Variants in ABLIM3 observed in about 807,000 individuals in gnomAD.
ABLIM3 encodes actin binding LIM protein family member 3.
A neutral mutation model predicts 109.5 loss-of-function variants in ABLIM3; 61 were observed. The ratio of observed to expected loss-of-function variants is 0.56; its 90% CI spans 0.45 to 0.69. ABLIM3 has a LOEUF of 0.69. ABLIM3 is among the 30% of genes least tolerant of loss of function. The probability of loss-of-function intolerance (pLI) is 0.00; values close to 1 mark genes in which losing one functional copy is unlikely to be tolerated. For missense variants in ABLIM3, 796 were observed against 889.5 expected (o/e 0.89, Z 1.34); for synonymous variants, 300 against 324.8 (o/e 0.92, Z 0.82).
intron 2 of ABLIM3, among the ~76,000 whole-genome samples, chr5:149,152,427 A>G (rs1163004286): frequency 6.6e-6 from 1 of 152,218 alleles, no homozygotes. Context: ...TAATGTCCTC[A>G]TGAAGTGAGC....
intron 2 of ABLIM3, among the ~76,000 whole-genome samples, chr5:149,147,106 T>G (rs1753005608): frequency 6.6e-6 from 1 of 151,688 alleles, no homozygotes. Flanking sequence ...TTGCTCGCTC[T>G]CTGTGTATGT....
At chr5:149,162,431 C>G (rs185594242) in intron 2 of ABLIM3, among the ~76,000 whole-genome samples, 153 of 152,298 alleles carry the variant, frequency 1.0e-3, no homozygotes, top group Non-Finnish European at 2.6e-4. Flanking sequence ...GTTTCAGTAT[C>G]TCATTCCAAA....
rs1754755392 is a variant in ABLIM3, at chr5:149,259,845, A to T, written c.*1441A>T. 1.9e-6 allele frequency: 1 copy of T among 516,180 alleles called. No individual in the cohort carries two copies. Among genetic ancestry groups the T allele is most frequent in the Non-Finnish European group, 3.5e-6 (1 of 285,676 alleles). The allele number at this position is 516,180 out of a possible 1,614,324, so 32.0% of individuals were successfully genotyped here. A position where few individuals can be genotyped will look rare whatever the true frequency, so the allele number is the denominator to read the frequency against. On this transcript the variant is annotated 3_prime_UTR_variant, in exon 24 of 24. Coordinates refer to ENST00000309868, the MANE Select transcript of ABLIM3 (RefSeq NM_014945.5). ...AGAGGCTGGCGATGTGACATGGCAA[A>T]TGTAGAACTGACTTAAATTGAACAA...
At chr5:149,209,161 T>C (rs1759298996) in intron 6 of ABLIM3, among the ~76,000 whole-genome samples, 1 of 152,112 alleles carries the variant, frequency 6.6e-6, no homozygotes, top group Admixed American at 6.5e-5. Context: ...CCTTAGTACA[T>C]TGCCAGCCAG....
intron 8 of ABLIM3, among the ~76,000 whole-genome samples, chr5:149,229,510 T>A (rs1761632414): frequency 6.6e-6 from 1 of 152,206 alleles, no homozygotes; most frequent in African/African-American, 2.4e-5. Context: ...CAGGCCTCTC[T>A]TCTCTTTTTC....
intron 2 of ABLIM3, among the ~76,000 whole-genome samples, chr5:149,166,654 C>T (rs1441842037): frequency 6.6e-6 from 1 of 152,160 alleles, no homozygotes; most frequent in Non-Finnish European, 1.5e-5. Flanking sequence ...ACAAAGAGTA[C>T]ATTTAAGAAG....
At chr5:149,210,242 A>G (rs1342850746) in intron 6 of ABLIM3, among the ~76,000 whole-genome samples, 1 of 152,150 alleles carries the variant, frequency 6.6e-6, no homozygotes, top group Non-Finnish European at 1.5e-5. Flanking sequence ...CTGGGTGAGA[A>G]ACCAGACAAC....
rs1370638341 is a variant in ABLIM3 at position 149,194,604 on chromosome 5, G to T, written c.152-3615G>T. 3.3e-5 allele frequency among the ~76,000 whole-genome samples: 5 copies of T among 152,228 alleles called. No individual in the cohort carries two copies. The East Asian group carries it at 9.6e-4, about 29-fold the overall frequency. On this transcript the variant is annotated intron_variant, in intron 3 of 23. Coordinates refer to ENST00000309868, the MANE Select transcript of ABLIM3 (RefSeq NM_014945.5). Reference sequence around the variant, plus strand: ...TGGAATACAGCACAGCAGTGAAAATGAGTGAACTGCAGTTACGTGCATCGA... The same window carrying T: ...TGGAATACAGCACAGCAGTGAAAATTAGTGAACTGCAGTTACGTGCATCGA...
rs146123543 is a variant in ABLIM3 at position 149,246,247 on chromosome 5, G to A, written c.1487-235G>A. 1.4e-4 allele frequency among the ~76,000 whole-genome samples: 22 copies of A among 152,170 alleles called. No homozygotes were observed. In the East Asian group the frequency reaches 4.1e-3, roughly 28 times the overall value. ...AGAAAAGAAGGTAAGACACAAATAC[G>A]ACTATAACCAAGTGGGCAGTGATCC... is the stretch of plus-strand genomic sequence containing the variant. On this transcript the variant is annotated intron_variant, in intron 16 of 23. Coordinates refer to ENST00000309868, the MANE Select transcript of ABLIM3 (RefSeq NM_014945.5).
intron 1 of ABLIM3, 56 bp from the exon 2 acceptor site, chr5:149,141,953 G>T: frequency 8.4e-7 from 1 of 1,195,946 alleles, no homozygotes; most frequent in Non-Finnish European, 1.2e-6. Context: ...ACAGCAGAGG[G>T]AGAGAGAGCA....
intron 17 of ABLIM3, 43 bp from the exon 18 acceptor site, chr5:149,247,739 T>G (rs774992549): frequency 6.2e-7 from 1 of 1,613,756 alleles, no homozygotes; most frequent in Non-Finnish European, 8.5e-7. Flanking sequence ...TCAGTGTCCT[T>G]TGTTTTCCTT....
At chr5:149,233,676 G>T (rs1001449001) in intron 10 of ABLIM3, among the ~76,000 whole-genome samples, 3 of 152,216 alleles carry the variant, frequency 2.0e-5, no homozygotes, top group African/African-American at 7.2e-5. Context: ...TTCTGAATAG[G>T]TATTAGGTGG....
rs759027613 is a variant in ABLIM3, at chr5:149,244,871, TC to T, written c.1352-8del. 2 of 1,614,112 alleles carry T rather than the reference TC, an allele frequency of 1.2e-6. No homozygotes were observed. Among genetic ancestry groups the T allele is most frequent in the Admixed American group, 1.7e-5 (1 of 60,016 alleles). ...GCCTTCCTGAAGTGCTCTCCTTGGG[TC>T]CTCTGCAGGTGATTTGTCTACAGCA... On this transcript the variant is annotated splice_polypyrimidine_tract_variant and intron_variant, in intron 15 of 23. Transcript: ENST00000309868.
chr5:149,210,670 T>G, intron 6 of ABLIM3, 56 bp from the exon 7 acceptor site: 1 of 1,484,440 alleles, frequency 6.7e-7, no homozygotes, highest in Non-Finnish European at 9.4e-7. Flanking sequence ...AAATGCCATG[T>G]GCACCCTCAC....
intron 2 of ABLIM3, among the ~76,000 whole-genome samples, chr5:149,167,388 T>C (rs1314308437): frequency 6.6e-6 from 1 of 152,192 alleles, no homozygotes; most frequent in Non-Finnish European, 1.5e-5. Context: ...AAACAGAAGC[T>C]CTTTAGAGTT....
Position 149,160,224 on chromosome 5 carries a change from G to A in ABLIM3, c.13+18116G>A, listed in dbSNP as rs141297730. On this transcript the variant is annotated intron_variant, in intron 2 of 23. Transcript: ENST00000309868. ...AATCTCAGCACTTTGGAAGGCCAAC[G>A]TGGGTGGATCGCTTGAGGTCAGGAG... Among the ~76,000 whole-genome samples the A allele has an allele frequency of 6.1e-3, 926 of 152,230 alleles. 10 individuals are homozygous for A. Among genetic ancestry groups the A allele is most frequent in the African/African-American group, 0.021 (888 of 41,516 alleles).
chr5:149,242,615 C>T, intron 15 of ABLIM3, 77 bp downstream of exon 15: 3 of 1,459,026 alleles, frequency 2.1e-6, no homozygotes, highest in Admixed American at 1.7e-5. Flanking sequence ...TGGCCCTGCA[C>T]AGGCCACCAG....
chr5:149,219,665 A>G (rs1379286495), intron 8 of ABLIM3: 4 of 152,154 alleles, frequency 2.6e-5, no homozygotes, highest in Admixed American at 2.0e-4. Flanking sequence ...CCAATCCCTC[A>G]TTGCCTGGGT....
intron 2 of ABLIM3, among the ~76,000 whole-genome samples, chr5:149,149,116 A>T (rs1042725456): frequency 2.0e-5 from 3 of 152,220 alleles, no homozygotes; most frequent in Non-Finnish European, 2.9e-5. Flanking sequence ...ATGTCATGGG[A>T]TAAGTAGAGA....
Sources: allele counts gnomAD v4.1 joint callset (sites outside exome capture counted in the v4.1 genomes callset), GRCh38; gene constraint gnomAD v4.1.1; transcripts MANE v1.5; gene names NCBI Gene and HGNC (gene_info 2026-07-23, HGNC 2026-07-21).